The following VEGFC variants were observed in gnomAD, a reference collection of about 807,000 sequenced individuals.
VEGFC encodes the protein FLT4 ligand DHM.
Under a neutral mutation model 46.1 loss-of-function variants are expected in VEGFC, and 12 were observed. That is an observed-to-expected ratio of 0.26 (90% confidence interval 0.17 to 0.42). The LOEUF (loss-of-function observed/expected upper bound fraction) is 0.42, where lower values mean the gene tolerates loss of function less well. Among genes scored for constraint, VEGFC ranks in the 10% least tolerant of loss-of-function variants. The probability of loss-of-function intolerance (pLI) is 1.00; values close to 1 mark genes in which losing one functional copy is unlikely to be tolerated. For synonymous variants in VEGFC, 232 were observed against 195.5 expected (o/e 1.19, Z -1.56); for missense variants, 488 against 529.4 (o/e 0.92, Z 0.77).
chr4:176,736,531 T>G (rs1037754920), intron 1 of VEGFC, among the ~76,000 whole-genome samples: 3 of 151,684 alleles, frequency 2.0e-5, no homozygotes, highest in Admixed American at 6.6e-5. Context: ...TTTAAAAAGA[T>G]GTCTTTATAG....
At chr4:176,754,806 T>C (rs1465157517) in intron 1 of VEGFC, among the ~76,000 whole-genome samples, 3 of 152,100 alleles carry the variant, frequency 2.0e-5, no homozygotes, top group Non-Finnish European at 2.9e-5. Flanking sequence ...AAACTATCTA[T>C]CTATACCAGT....
At chr4:176,711,475 A>C in intron 4 of VEGFC, 24 bp downstream of exon 4, 1 of 1,585,368 alleles carries the variant, frequency 6.3e-7, no homozygotes, top group Non-Finnish European at 8.6e-7. Context: ...GGATGCAGAA[A>C]AAATAGATTT....
Position 176,744,354 on chromosome 4 carries a change from GA to G in VEGFC, c.148-14609del, listed in dbSNP as rs796527060. Among the ~76,000 whole-genome samples, 39 of 148,760 alleles carry G rather than the reference GA, an allele frequency of 2.6e-4. No homozygotes were observed. In the East Asian group the frequency reaches 4.9e-3, roughly 19 times the overall value. ...GGGCAGCAGGTACACAATTTAAAAA[GA>G]AAAAAAAAACCTATTTTCTTAGAAA... On this transcript the variant is annotated intron_variant, in intron 1 of 6. Coordinates refer to ENST00000618562, the MANE Select transcript of VEGFC (RefSeq NM_005429.5).
chr4:176,692,176 C>T (rs1218780271), intron 4 of VEGFC, among the ~76,000 whole-genome samples: 3 of 151,516 alleles, frequency 2.0e-5, no homozygotes, highest in East Asian at 1.9e-4. Context: ...GGGCGGATCA[C>T]GAGGTCAGGA....
intron 4 of VEGFC, among the ~76,000 whole-genome samples, chr4:176,690,154 A>G (rs1001296290): frequency 6.6e-6 from 1 of 152,188 alleles, no homozygotes; most frequent in Non-Finnish European, 1.5e-5. Flanking sequence ...AATAACTTCC[A>G]TGAAAACCTT....
intron 4 of VEGFC, among the ~76,000 whole-genome samples, chr4:176,695,609 A>T (rs1308636925): frequency 6.6e-6 from 1 of 152,042 alleles, no homozygotes; most frequent in African/African-American, 2.4e-5. Flanking sequence ...AAAAGAGGGA[A>T]TCCTCCCTAA....
intron 1 of VEGFC, among the ~76,000 whole-genome samples, chr4:176,766,136 T>C (rs1735618638): frequency 6.6e-6 from 1 of 152,128 alleles, no homozygotes; most frequent in African/African-American, 2.4e-5. Flanking sequence ...TAAAAATGAT[T>C]ATATAATAGG....
At chr4:176,731,647 A>G (rs1369852589) in intron 1 of VEGFC, among the ~76,000 whole-genome samples, 1 of 151,976 alleles carries the variant, frequency 6.6e-6, no homozygotes. Context: ...ACTACAAGTC[A>G]GCTGTGATTC....
At chr4:176,751,067 CTG>C (rs1324165793) in intron 1 of VEGFC, among the ~76,000 whole-genome samples, 1 of 151,424 alleles carries the variant, frequency 6.6e-6, no homozygotes, top group Non-Finnish European at 1.5e-5. Context: ...AACTATAAGA[CTG>C]AGAATAATAA....
chr4:176,702,459 T>C (rs912489319), intron 4 of VEGFC, among the ~76,000 whole-genome samples: 3 of 152,170 alleles, frequency 2.0e-5, no homozygotes, highest in Non-Finnish European at 4.4e-5. Flanking sequence ...TTGGCTATGC[T>C]GAACATTGTC....
At chr4:176,736,981 A>T (rs1215262953) in intron 1 of VEGFC, among the ~76,000 whole-genome samples, 1 of 151,192 alleles carries the variant, frequency 6.6e-6, no homozygotes, top group African/African-American at 2.4e-5. Context: ...AATGATAACT[A>T]ATGTTTTTAT....
chr4:176,746,257 G>A (rs1257580473), intron 1 of VEGFC, among the ~76,000 whole-genome samples: 1 of 152,040 alleles, frequency 6.6e-6, no homozygotes, highest in Non-Finnish European at 1.5e-5. Flanking sequence ...TCCAGGTCCA[G>A]GGGTAGAGAA....
chr4:176,687,993 C>A lies in VEGFC; in HGVS notation c.705-66G>T, dbSNP rs61435337. 1,716 of 800,328 alleles carry A rather than the reference C, an allele frequency of 2.1e-3. 16 individuals carry two copies. Among genetic ancestry groups the A allele is most frequent in the East Asian group, 0.02 (778 of 38,272 alleles). 49.6% of individuals were successfully genotyped at this position (800,328 alleles called of 1,614,324 possible). A position where few individuals can be genotyped will look rare whatever the true frequency, so the allele number is the denominator to read the frequency against. ...GTACCTAGAAGGGACCATCTCTGCTCACATATGTATCAAAATAATGCTCAT... is the reference window on the plus strand; with the variant it reads ...GTACCTAGAAGGGACCATCTCTGCTAACATATGTATCAAAATAATGCTCAT... On this transcript the variant is annotated intron_variant, in intron 4 of 6. Coordinates refer to ENST00000618562, the MANE Select transcript of VEGFC (RefSeq NM_005429.5).
chr4:176,687,995 C>T (rs1734077100), intron 4 of VEGFC, 68 bp from the exon 5 acceptor site: 3 of 766,792 alleles, frequency 3.9e-6, no homozygotes, highest in South Asian at 1.9e-5. Context: ...TCTCTGCTCA[C>T]ATATGTATCA....
At chr4:176,692,957 C>T (rs866060696) in intron 4 of VEGFC, among the ~76,000 whole-genome samples, 23 of 148,716 alleles carry the variant, frequency 1.5e-4, no homozygotes, top group Non-Finnish European at 2.7e-4. Context: ...AAAGGACATC[C>T]ACACCGAAAA....
intron 1 of VEGFC, among the ~76,000 whole-genome samples, chr4:176,752,927 C>T (rs1735364315): frequency 6.6e-6 from 1 of 151,888 alleles, no homozygotes; most frequent in Non-Finnish European, 1.5e-5. Flanking sequence ...TTTTAAGGAC[C>T]AAAACTATAG....
rs143810568 is a variant in VEGFC at position 176,699,029 on chromosome 4, G to A, written c.705-11102C>T. 1.6e-3 allele frequency among the ~76,000 whole-genome samples: 248 copies of A among 152,244 alleles called. 2 individuals carry two copies. Among genetic ancestry groups the A allele is most frequent in the African/African-American group, 5.5e-3 (229 of 41,546 alleles). ...TGATAACATTAATGTCAATTCAACT[G>A]TAGCACATGATGATTTTCTTGAAAA... On this transcript the variant is annotated intron_variant, in intron 4 of 6. Coordinates refer to ENST00000618562, the MANE Select transcript of VEGFC (RefSeq NM_005429.5).
intron 1 of VEGFC, among the ~76,000 whole-genome samples, chr4:176,746,201 C>T (rs1191071598): frequency 6.6e-6 from 1 of 152,018 alleles, no homozygotes; most frequent in Non-Finnish European, 1.5e-5. Flanking sequence ...CTCACCTTGC[C>T]TCAGTCTGTG....
At chr4:176,735,540 G>A (rs1467533450) in intron 1 of VEGFC, among the ~76,000 whole-genome samples, 1 of 151,930 alleles carries the variant, frequency 6.6e-6, no homozygotes, top group Non-Finnish European at 1.5e-5. Flanking sequence ...AGCACTGGAT[G>A]TTTTGGACAG....
Sources: allele counts gnomAD v4.1 joint callset (sites outside exome capture counted in the v4.1 genomes callset), GRCh38; gene constraint gnomAD v4.1.1; transcripts MANE v1.5; gene names NCBI Gene and HGNC (gene_info 2026-07-23, HGNC 2026-07-21).